IGF2BP3: variants seen among roughly 807,000 people sequenced by gnomAD.
IGF2BP3 encodes insulin-like growth factor 2 mRNA-binding protein 3.
A neutral mutation model predicts 73.8 loss-of-function variants in IGF2BP3; 9 were observed. The observed-to-expected ratio is 0.12, with a 90% CI of 0.07 to 0.21. The LOEUF (loss-of-function observed/expected upper bound fraction) is 0.21, where lower values mean the gene tolerates loss of function less well. IGF2BP3 is among the 10% of genes least tolerant of loss of function. The pLI is 1.00. For synonymous variants in IGF2BP3, 258 were observed against 256.7 expected, an observed-to-expected ratio of 1.01 and a Z score of -0.05; for missense variants, 542 against 714.0, an observed-to-expected ratio of 0.76 and a Z score of 2.75.
chr7:23,331,272 T>C (rs1464988046), intron 10 of IGF2BP3, among the ~76,000 whole-genome samples: 1 of 152,350 alleles, frequency 6.6e-6, no homozygotes, highest in South Asian at 2.1e-4. Flanking sequence ...AGAAGTTCTA[T>C]TACATAAATT....
At chr7:23,445,929 T>C (rs576389813) in intron 2 of IGF2BP3, among the ~76,000 whole-genome samples, 10 of 152,300 alleles carry the variant, frequency 6.6e-5, no homozygotes, top group African/African-American at 2.4e-4. Context: ...TTTAGGTAGA[T>C]AAGTCTGTAG....
At chr7:23,446,086 T>C (rs1352075249) in intron 2 of IGF2BP3, among the ~76,000 whole-genome samples, 1 of 152,232 alleles carries the variant, frequency 6.6e-6, no homozygotes, top group East Asian at 1.9e-4. Flanking sequence ...CCCTCTGTGC[T>C]GAATCATTGC....
chr7:23,321,479 G>C (rs367983299), intron 10 of IGF2BP3, among the ~76,000 whole-genome samples: 1 of 152,182 alleles, frequency 6.6e-6, no homozygotes, highest in East Asian at 1.9e-4. Context: ...ACTGCAAGGC[G>C]GCAGCGAGGC....
intron 3 of IGF2BP3, chr7:23,362,437 CAT>C (rs1470597036): frequency 6.6e-6 from 1 of 152,130 alleles, no homozygotes; most frequent in Non-Finnish European, 1.5e-5. Flanking sequence ...AACATAAATA[CAT>C]AGACAGCAAA....
At chr7:23,370,281 T>C (rs796604065) in intron 3 of IGF2BP3, among the ~76,000 whole-genome samples, 4 of 152,360 alleles carry the variant, frequency 2.6e-5, no homozygotes, top group African/African-American at 7.2e-5. Flanking sequence ...AGTGATGTGA[T>C]TGTCAGGTGT....
intron 3 of IGF2BP3, among the ~76,000 whole-genome samples, chr7:23,403,793 T>C (rs1272291290): frequency 6.6e-6 from 1 of 152,014 alleles, no homozygotes; most frequent in African/African-American, 2.4e-5. Context: ...ATATCTAGGG[T>C]TGGCTCTAAG....
chr7:23,446,320 G>A (rs761552662), intron 2 of IGF2BP3, among the ~76,000 whole-genome samples: 13 of 151,942 alleles, frequency 8.6e-5, no homozygotes, highest in Non-Finnish European at 1.6e-4. Context: ...CCAGCACTTT[G>A]GGAGACCAAG....
chr7:23,454,183 C>T (rs1006529992), intron 2 of IGF2BP3, among the ~76,000 whole-genome samples: 17 of 152,068 alleles, frequency 1.1e-4, no homozygotes, highest in Non-Finnish European at 2.4e-4. Context: ...ACTTCTCATC[C>T]TTCGTTCATT....
At chr7:23,437,485 AAAATAAATAAAT>A (rs71770418) in intron 2 of IGF2BP3, among the ~76,000 whole-genome samples, 78 of 148,658 alleles carry the variant, frequency 5.2e-4, no homozygotes, top group Admixed American at 1.5e-3. Context: ...CTTCATTTCA[AAAATAAATAAAT>A]AAATAAATAA....
chr7:23,365,016 A>T (rs1291506343), intron 3 of IGF2BP3, among the ~76,000 whole-genome samples: 1 of 152,060 alleles, frequency 6.6e-6, no homozygotes, highest in Non-Finnish European at 1.5e-5. Context: ...ACATACAAAC[A>T]TTAGCCTGCA....
intron 10 of IGF2BP3, among the ~76,000 whole-genome samples, chr7:23,325,162 T>A (rs1784260166): frequency 6.6e-6 from 1 of 152,234 alleles, no homozygotes; most frequent in East Asian, 1.9e-4. Flanking sequence ...TGATTGTATA[T>A]CTAGAAAGCC....
chr7:23,409,482 T>TA (rs1180253495), intron 3 of IGF2BP3, among the ~76,000 whole-genome samples: 1 of 151,892 alleles, frequency 6.6e-6, no homozygotes, highest in Non-Finnish European at 1.5e-5. Flanking sequence ...GGAATAATAC[T>TA]ATTCAATTTT....
intron 2 of IGF2BP3, among the ~76,000 whole-genome samples, chr7:23,463,160 G>C (rs1174130329): frequency 1.3e-5 from 2 of 152,160 alleles, no homozygotes; most frequent in Non-Finnish European, 2.9e-5. Context: ...CCAACCACCA[G>C]AGTTACTGAA....
At chr7:23,383,183 G>A (rs778909192) in intron 3 of IGF2BP3, among the ~76,000 whole-genome samples, 3 of 152,188 alleles carry the variant, frequency 2.0e-5, no homozygotes, top group Non-Finnish European at 1.5e-5. Context: ...AGGGAATAGT[G>A]ATGGAAGTGT....
chr7:23,321,492 G>A (rs909065646), intron 10 of IGF2BP3, among the ~76,000 whole-genome samples: 2 of 152,208 alleles, frequency 1.3e-5, no homozygotes, highest in African/African-American at 4.8e-5. Context: ...AGCGAGGCTG[G>A]GGGAGGGGTG....
At chr7:23,346,782 G>A (rs1476914498) in intron 7 of IGF2BP3, among the ~76,000 whole-genome samples, 5 of 151,970 alleles carry the variant, frequency 3.3e-5, no homozygotes, top group East Asian at 3.9e-4. Flanking sequence ...CAGTAGAGAC[G>A]GGGTTTCACC....
intron 7 of IGF2BP3, 76 bp from the exon 8 acceptor site, chr7:23,346,138 A>C (rs1302974639): frequency 1.3e-6 from 2 of 1,487,044 alleles, no homozygotes; most frequent in Non-Finnish European, 1.8e-6. Context: ...TTCACTCATT[A>C]AACATTTACT....
chr7:23,355,472 C>G (rs557922655), intron 5 of IGF2BP3, among the ~76,000 whole-genome samples: 5 of 152,158 alleles, frequency 3.3e-5, no homozygotes, highest in African/African-American at 1.2e-4. Context: ...CTCAAGTGAT[C>G]TACCTGCCTC....
intron 2 of IGF2BP3, among the ~76,000 whole-genome samples, chr7:23,445,366 C>T (rs1788034836): frequency 1.3e-5 from 2 of 149,392 alleles, no homozygotes; most frequent in East Asian, 2.0e-4. Flanking sequence ...ATGGGTGTTT[C>T]GTATACACTA....
Sources: allele counts gnomAD v4.1 joint callset (sites outside exome capture counted in the v4.1 genomes callset), GRCh38; gene constraint gnomAD v4.1.1; transcripts MANE v1.5; gene names NCBI Gene and HGNC (gene_info 2026-07-23, HGNC 2026-07-21).